ACLY: variants seen among roughly 807,000 people sequenced by gnomAD.
ACLY encodes ATP citrate lyase.
In ACLY, 41 loss-of-function variants were observed where a neutral mutation model predicts 133.0. The observed-to-expected ratio is 0.31, with a 90% CI of 0.24 to 0.40. ACLY has a LOEUF of 0.40. Ranked by LOEUF, ACLY falls within the 10% of genes least tolerant of loss-of-function variation. The pLI, the probability that ACLY is intolerant of heterozygous loss-of-function variation, is 1.00. For missense variants in ACLY, 1,046 were observed against 1,453.8 expected (o/e 0.72, Z 4.56); for synonymous variants, 495 against 549.3 (o/e 0.90, Z 1.38).
At chr17:41,909,732 G>A in intron 4 of ACLY, 32 bp from the exon 5 acceptor site, 1 of 1,601,200 alleles carries the variant, frequency 6.2e-7, no homozygotes, top group Non-Finnish European at 8.5e-7. Flanking sequence ...CAGTGGGATT[G>A]GGGTTGTGGG....
chr17:41,910,155 G>A, intron 4 of ACLY, 67 bp downstream of exon 4: 2 of 1,493,584 alleles, frequency 1.3e-6, no homozygotes, highest in Non-Finnish European at 1.8e-6. Flanking sequence ...TCTTTCCTCA[G>A]GTTACGGTGG....
chr17:41,876,176 G>A (rs1312107062), intron 22 of ACLY, among the ~76,000 whole-genome samples: 6 of 151,860 alleles, frequency 4.0e-5, no homozygotes, highest in South Asian at 4.2e-4. Context: ...CCCTCCGCCC[G>A]GCAGCCACCC....
At chr17:41,929,552 C>G (rs781996406) in intron 1 of ACLY, among the ~76,000 whole-genome samples, 10 of 152,166 alleles carry the variant, frequency 6.6e-5, no homozygotes, top group Non-Finnish European at 1.2e-4. Flanking sequence ...CACAGGCACA[C>G]AGAACTTTTA....
chr17:41,891,586 C>G (rs1555629285), intron 16 of ACLY, among the ~76,000 whole-genome samples: 1 of 151,522 alleles, frequency 6.6e-6, no homozygotes, highest in East Asian at 1.9e-4. Flanking sequence ...GGGACAGGGT[C>G]TTGCTTTGTT....
chr17:41,916,652 A>G (rs1041196089), intron 1 of ACLY, among the ~76,000 whole-genome samples: 6 of 151,430 alleles, frequency 4.0e-5, no homozygotes, highest in East Asian at 2.0e-4. Context: ...TGGGATTTAC[A>G]GGCATGAGCC....
chr17:41,919,654 G>A (rs1372669850), upstream of ACLY, among the ~76,000 whole-genome samples: 1 of 152,248 alleles, frequency 6.6e-6, no homozygotes, highest in African/African-American at 2.4e-5. Flanking sequence ...GCCTCAGCAC[G>A]GATCAGGGCG....
chr17:41,910,561 G>A (rs1254385171), intron 3 of ACLY, among the ~76,000 whole-genome samples: 1 of 152,274 alleles, frequency 6.6e-6, no homozygotes, highest in Non-Finnish European at 1.5e-5. Flanking sequence ...ACCTGCGCAA[G>A]TGAAAGGGCT....
intron 1 of ACLY, among the ~76,000 whole-genome samples, chr17:41,917,760 G>C (rs1555634761): frequency 6.6e-6 from 1 of 152,084 alleles, no homozygotes; most frequent in Admixed American, 6.6e-5. Context: ...GTCAGAACGG[G>C]GATGGAGCCA....
chr17:41,911,242 G>A (rs529428130), intron 3 of ACLY, among the ~76,000 whole-genome samples: 2 of 152,206 alleles, frequency 1.3e-5, no homozygotes, highest in East Asian at 3.9e-4. Context: ...TGCTATTCTC[G>A]AGGCAGCCAA....
At chr17:41,923,544 A>G (rs1555635660), upstream of ACLY, among the ~76,000 whole-genome samples, 1 of 152,204 alleles carries the variant, frequency 6.6e-6, no homozygotes, top group African/African-American at 2.4e-5. Flanking sequence ...CAGGTGAGTA[A>G]GAGGGAAAGA....
rs186614068 is a variant in ACLY, at chr17:41,912,592, G to A, written c.160-50C>T. ...AGAGTGAGGAAGAATTAGATAAACC[G>A]TAGTATTTTGGGGATCCAAATAGAG... On this transcript the variant is annotated intron_variant, in intron 2 of 28. Transcript: ENST00000352035. The A allele has an allele frequency of 2.8e-4, 443 of 1,610,104 alleles. 4 individuals carry two copies. The East Asian group carries it at 8.8e-3, about 32-fold the overall frequency.
intron 14 of ACLY, among the ~76,000 whole-genome samples, chr17:41,894,764 ACTTTC>A (rs1448099639): frequency 1.1e-4 from 17 of 152,072 alleles, no homozygotes; most frequent in Middle Eastern, 3.2e-3. Flanking sequence ...CAGGCAGTTG[ACTTTC>A]CCCTCTGGGT....
intron 16 of ACLY, among the ~76,000 whole-genome samples, chr17:41,888,954 C>T (rs2049127989): frequency 6.6e-6 from 1 of 151,852 alleles, no homozygotes; most frequent in Non-Finnish European, 1.5e-5. Flanking sequence ...ACCCATCTCT[C>T]CTAAAAATAC....
At chr17:41,918,955 C>G (rs528295315), upstream of ACLY, 70 of 1,289,192 alleles carry the variant, frequency 5.4e-5, no homozygotes, top group African/African-American at 8.6e-4. Context: ...CCCCAGCAGC[C>G]GGTAGCTTCC....
intron 16 of ACLY, among the ~76,000 whole-genome samples, chr17:41,890,508 CT>C (rs1555629030): frequency 1.1e-4 from 16 of 149,372 alleles, no homozygotes; most frequent in African/African-American, 2.2e-4. Context: ...CATGGTGAAA[CT>C]CCGTCTCTAC....
At position 41,907,495 on chromosome 17, in the gene ACLY, T is replaced by G; in HGVS notation, c.694A>C (p.Lys232Gln). The change falls in exon 7 of 29, where the codon AAG becomes CAG. Residue 232 changes from lysine (K) to glutamine (Q), a missense_variant. By Grantham distance (53) the Lys-to-Gln change is moderately conservative (BLOSUM62 1). Around this residue, in one of 4 missense-constraint regions of ACLY, gnomAD observed 575 missense variants for 804.2 expected, o/e 0.71. Coordinates refer to ENST00000352035, the MANE Select transcript of ACLY (RefSeq NM_001096.3). Reference sequence around the variant, plus strand: ...GGAGGGAACTCGATGTCACCCCACTTCACTTTGCAGATGTAGTCGGCAGTG... The same window carrying G: ...GGAGGGAACTCGATGTCACCCCACTGCACTTTGCAGATGTAGTCGGCAGTG... The part of the protein sequence containing the change: ...DATADYICKV[K>Q]WGDIEFPPPF... The G allele has an allele frequency of 6.2e-7, 1 of 1,613,890 alleles. No individual in the cohort carries two copies. The highest frequency in any genetic ancestry group is 8.5e-7 in the Non-Finnish European group (1 of 1,179,952).
intron 14 of ACLY, among the ~76,000 whole-genome samples, chr17:41,895,757 C>T (rs2049347240): frequency 6.6e-6 from 1 of 152,196 alleles, no homozygotes; most frequent in Admixed American, 6.5e-5. Context: ...CAGGTGGCCA[C>T]AGTGCTGCAT....
chr17:41,896,738 T>C (rs987478716), intron 13 of ACLY, 89 bp from the exon 14 acceptor site: 8 of 1,245,014 alleles, frequency 6.4e-6, no homozygotes, highest in Middle Eastern at 4.0e-4. Flanking sequence ...AAGGGTCCCA[T>C]GGACAAGCCT....
rs2048525885 is a variant in ACLY, at chr17:41,868,656, C to CT, written c.3211+52dup. 5.6e-6 allele frequency: 8 copies of CT among 1,438,712 alleles called. No homozygotes were observed. In the South Asian group the frequency reaches 8.5e-5, roughly 15 times the overall value. 89.1% of individuals were successfully genotyped at this position (1,438,712 alleles called of 1,614,324 possible). ...TCAACCCCATGAGTAAGTGGTGTAG[C>CT]TGAACCGTGGGGTTTAAAAAAAAAC... On this transcript the variant is annotated intron_variant, in intron 28 of 28. Coordinates refer to ENST00000352035, the MANE Select transcript of ACLY (RefSeq NM_001096.3).
Sources: allele counts gnomAD v4.1 joint callset (sites outside exome capture counted in the v4.1 genomes callset), GRCh38; gene constraint gnomAD v4.1.1; regional missense constraint gnomAD v4.1.1; transcripts MANE v1.5; gene names NCBI Gene and HGNC (gene_info 2026-07-23, HGNC 2026-07-21).